YLPM1: variants seen among roughly 807,000 people sequenced by gnomAD.
The protein encoded by YLPM1 is YLP motif containing 1.
A neutral mutation model predicts 230.0 loss-of-function variants in YLPM1; 99 were observed. That is an observed-to-expected ratio of 0.43 (90% CI 0.37 to 0.51). YLPM1 has a LOEUF of 0.51. Ranked by LOEUF, YLPM1 falls within the 20% of genes least tolerant of loss-of-function variation. The pLI is 0.00. For synonymous variants in YLPM1, 984 were observed against 942.5 expected (o/e 1.04, Z -0.81); for missense variants, 2,592 against 2,707.7 (o/e 0.96, Z 0.95).
intron 4 of YLPM1, among the ~76,000 whole-genome samples, chr14:74,783,393 A>G (rs2091114871): frequency 6.6e-6 from 1 of 152,210 alleles, no homozygotes; most frequent in South Asian, 2.1e-4. Context: ...AGCCAGAAAA[A>G]TACTTTAATC....
Position 74,802,675 on chromosome 14 carries a change from C to T in YLPM1, c.4520C>T (p.Pro1507Leu), listed in dbSNP as rs368617012. The change falls in exon 6 of 21, where the codon CCG (proline) becomes CTG (leucine). Residue 1507 changes from proline to leucine, a missense_variant and splice_region_variant. By Grantham distance (98) the Pro-to-Leu change is moderately conservative. Coordinates refer to ENST00000325680, the MANE Select transcript of YLPM1 (RefSeq NM_019589.3). ...QNTSSRPGMY[P>L]PPGSYRPPPP... ...ACATCTTCAAGACCTGGAATGTATCCGGTATGGGAGAATGTGTGCTCAGAA... is the reference window on the plus strand; with the variant it reads ...ACATCTTCAAGACCTGGAATGTATCTGGTATGGGAGAATGTGTGCTCAGAA... 1.6e-5 allele frequency: 25 copies of T among 1,600,582 alleles called. No homozygotes were observed. Among genetic ancestry groups the T allele is most frequent in the Middle Eastern group, 1.7e-4 (1 of 6,060 alleles).
chr14:74,793,482 A>AT lies in YLPM1; in HGVS notation c.2283-4095dup, dbSNP rs575714248. Among the ~76,000 whole-genome samples, 29 of 151,972 alleles carry AT rather than the reference A, an allele frequency of 1.9e-4. No homozygotes were observed. The South Asian group carries it at 5.8e-3, about 30-fold the overall frequency. ...TTTTATAAATAGCACATTGTTCTTG[A>AT]TTTATAGATGCAGTCTCTTTAAGAA... On this transcript the variant is annotated intron_variant, in intron 4 of 20. Coordinates refer to ENST00000325680, the MANE Select transcript of YLPM1 (RefSeq NM_019589.3).
intron 6 of YLPM1, 83 bp downstream of exon 6, chr14:74,802,759 A>G (rs1234919176): frequency 9.8e-6 from 14 of 1,428,912 alleles, no homozygotes; most frequent in Non-Finnish European, 9.3e-7. Flanking sequence ...TAGAAGTTGA[A>G]TAAATAACAA....
At position 74,799,678 on chromosome 14, in the gene YLPM1, C is replaced by G; in HGVS notation, c.4381C>G (p.Gln1461Glu). ...GCATGAAATCATTTTGAAAGCTGCA[C>G]AAGAACTGAAAATGCTTCGGTAAGT... ...RQHEIILKAA[Q>E]ELKMLREQKE... The change falls in exon 5 of 21, where the codon CAA (glutamine) becomes GAA (glutamate). Residue 1461 changes from glutamine (Q) to glutamate (E), a missense_variant. Physicochemically the swap from Gln to Glu is conservative, Grantham distance 29 (BLOSUM62 2). Transcript: ENST00000325680. The G allele has an allele frequency of 6.2e-7, 1 of 1,607,838 alleles. No individual in the cohort carries two copies. Among genetic ancestry groups the G allele is most frequent in the Non-Finnish European group, 8.5e-7 (1 of 1,175,446 alleles).
At chr14:74,771,021 T>C (rs2090972141) in intron 1 of YLPM1, among the ~76,000 whole-genome samples, 1 of 152,154 alleles carries the variant, frequency 6.6e-6, no homozygotes, top group Non-Finnish European at 1.5e-5. Flanking sequence ...TGAGTAGTTA[T>C]GGAGAGGGAG....
At position 74,802,052 on chromosome 14, in the gene YLPM1, T is replaced by TA. The variant is rs1055480574; in HGVS notation, c.4401-497dup. Among the ~76,000 whole-genome samples the TA allele has an allele frequency of 8.6e-5, 13 of 151,772 alleles. No homozygotes were observed. In the East Asian group the frequency reaches 1.2e-3, roughly 14 times the overall value. ...CAATATAGTGAAACCCCGTCTCTAC[T>TA]AAAAAAATACAAATAATTAGCCGGG... On this transcript the variant is annotated intron_variant, in intron 5 of 20. Transcript: ENST00000325680.
intron 4 of YLPM1, among the ~76,000 whole-genome samples, chr14:74,782,954 G>A (rs960858942): frequency 6.6e-6 from 1 of 152,008 alleles, no homozygotes; most frequent in African/African-American, 2.4e-5. Context: ...AAAATTGCTG[G>A]TGTGTAAGTT....
intron 1 of YLPM1, among the ~76,000 whole-genome samples, chr14:74,766,468 G>C (rs1187007512): frequency 6.6e-6 from 1 of 151,762 alleles, no homozygotes; most frequent in Non-Finnish European, 1.5e-5. Context: ...CTTCACCTAG[G>C]CCTTTTTTAT....
chr14:74,766,148 ACCTAGGACAGT>A (rs2090909304), intron 1 of YLPM1, among the ~76,000 whole-genome samples: 1 of 152,112 alleles, frequency 6.6e-6, no homozygotes, highest in African/African-American at 2.4e-5. Flanking sequence ...TTACCGTAGC[ACCTAGGACAGT>A]GCCTTGCAAA....
intron 4 of YLPM1, among the ~76,000 whole-genome samples, chr14:74,792,263 C>G (rs1363630968): frequency 1.3e-5 from 2 of 152,202 alleles, no homozygotes; most frequent in African/African-American, 4.8e-5. Flanking sequence ...CATAGACCAT[C>G]TACTCTAGTG....
intron 17 of YLPM1, among the ~76,000 whole-genome samples, chr14:74,822,570 C>T (rs1401913744): frequency 2.0e-5 from 3 of 152,114 alleles, no homozygotes; most frequent in Non-Finnish European, 4.4e-5. Flanking sequence ...AAAGGAAGCA[C>T]AGGATGATTC....
intron 1 of YLPM1, among the ~76,000 whole-genome samples, chr14:74,773,291 A>G (rs527434912): frequency 6.7e-6 from 1 of 149,514 alleles, no homozygotes; most frequent in South Asian, 2.1e-4. Flanking sequence ...CCATCTCAAG[A>G]AAAAAAAAAG....
At chr14:74,829,627 A>G (rs1468725831) in intron 19 of YLPM1, among the ~76,000 whole-genome samples, 1 of 152,142 alleles carries the variant, frequency 6.6e-6, no homozygotes, top group Non-Finnish European at 1.5e-5. Context: ...GGGGCAAAAA[A>G]AGCCAGGTAC....
At position 74,782,236 on chromosome 14, in the gene YLPM1, C is replaced by G. The variant is rs1490791428; in HGVS notation, c.2193C>G (p.Ile731Met). Residue 731 changes from isoleucine (I) to methionine (M), a missense_variant, in exon 4 of 21, where the codon ATC becomes ATG. Coordinates refer to ENST00000325680, the MANE Select transcript of YLPM1 (RefSeq NM_019589.3). ...GESSAAPSQP[I>M]TAVKDMPVRS... ...CTTCAGCTGCTCCATCTCAGCCAAT[C>G]ACTGCAGTGAAGGACATGCCAGTGA... 6.3e-7 allele frequency: 1 copy of G among 1,599,518 alleles called. No homozygotes were observed. Among genetic ancestry groups the G allele is most frequent in the South Asian group, 1.1e-5 (1 of 90,686 alleles).
At chr14:74,803,960 T>C (rs1437326560) in intron 6 of YLPM1, among the ~76,000 whole-genome samples, 1 of 152,052 alleles carries the variant, frequency 6.6e-6, no homozygotes, top group Non-Finnish European at 1.5e-5. Context: ...GAGTTTGAGA[T>C]GAGCCTGACC....
chr14:74,824,398 A>T (rs1173129371), intron 18 of YLPM1, 91 bp downstream of exon 18: 1 of 1,326,900 alleles, frequency 7.5e-7, no homozygotes, highest in African/African-American at 1.5e-5. Context: ...ATTTCCTAAA[A>T]CTTCTACTTG....
intron 4 of YLPM1, 124 bp downstream of exon 4, chr14:74,782,449 G>T (rs1052867635): frequency 8.6e-7 from 1 of 1,162,350 alleles, no homozygotes. Context: ...TACTTATATT[G>T]TCTGCTTGTT....
chr14:74,830,688 C>A (rs1182865903), intron 19 of YLPM1, among the ~76,000 whole-genome samples: 1 of 152,122 alleles, frequency 6.6e-6, no homozygotes, highest in African/African-American at 2.4e-5. Context: ...CCTGGTGAGG[C>A]CTCAGAAAGT....
intron 1 of YLPM1, among the ~76,000 whole-genome samples, chr14:74,766,636 ATTTTTTT>A (rs34932979): frequency 4.5e-5 from 5 of 110,354 alleles, no homozygotes; most frequent in East Asian, 2.6e-4. Flanking sequence ...ATGCCTGGCT[ATTTTTTT>A]TTTTTTTTTT....
Sources: allele counts gnomAD v4.1 joint callset (sites outside exome capture counted in the v4.1 genomes callset), GRCh38; gene constraint gnomAD v4.1.1; transcripts MANE v1.5; gene names NCBI Gene and HGNC (gene_info 2026-07-23, HGNC 2026-07-21).